AQR: variants seen among roughly 807,000 people sequenced by gnomAD.
The protein encoded by AQR is aquarius intron-binding spliceosomal factor.
In AQR, 61 loss-of-function variants were observed where a neutral mutation model predicts 180.5. The ratio of observed to expected loss-of-function variants is 0.34; its 90% CI spans 0.28 to 0.42. AQR has a LOEUF of 0.42. Ranked by LOEUF, AQR falls within the 10% of genes least tolerant of loss-of-function variation. AQR has a pLI of 1.00. For synonymous variants in AQR, 551 were observed against 588.8 expected, an observed-to-expected ratio of 0.94 and a Z score of 0.93; for missense variants, 1,281 against 1,798.3, an observed-to-expected ratio of 0.71 and a Z score of 5.20.
At chr15:34,935,084 C>T (rs1893926514) in intron 9 of AQR, among the ~76,000 whole-genome samples, 1 of 152,098 alleles carries the variant, frequency 6.6e-6, no homozygotes, top group African/African-American at 2.4e-5. Context: ...TACACACACA[C>T]ACCTTTAAAG....
intron 23 of AQR, among the ~76,000 whole-genome samples, chr15:34,890,977 T>C (rs1029810289): frequency 6.6e-6 from 1 of 152,196 alleles, no homozygotes; most frequent in East Asian, 1.9e-4. Flanking sequence ...AAAAGTTTCA[T>C]AGTATGGAAA....
At chr15:34,868,156 TC>T (rs1892764894) in intron 31 of AQR, 1 of 152,356 alleles carries the variant, frequency 6.6e-6, no homozygotes, top group Non-Finnish European at 1.5e-5. Flanking sequence ...TGCGGTGAAA[TC>T]CCATCTCTAC....
intron 3 of AQR, among the ~76,000 whole-genome samples, chr15:34,953,748 C>G (rs929975222): frequency 6.6e-6 from 1 of 152,170 alleles, no homozygotes; most frequent in African/African-American, 2.4e-5. Context: ...TGTTAGACAA[C>G]AGAATTCACT....
chr15:34,870,656 TAAA>T, intron 31 of AQR, 93 bp downstream of exon 31: 1 of 1,054,096 alleles, frequency 9.5e-7, no homozygotes, highest in Non-Finnish European at 1.3e-6. Context: ...TCAAATATCT[TAAA>T]AAGAGATAGC....
intron 1 of AQR, among the ~76,000 whole-genome samples, chr15:34,966,435 C>G (rs964534504): frequency 6.6e-5 from 10 of 152,202 alleles, no homozygotes; most frequent in Non-Finnish European, 1.3e-4. Flanking sequence ...GATACTTTCT[C>G]AATGAGAAAA....
At chr15:34,931,990 G>A (rs1893871131) in intron 11 of AQR, among the ~76,000 whole-genome samples, 1 of 152,160 alleles carries the variant, frequency 6.6e-6, no homozygotes, top group Non-Finnish European at 1.5e-5. Flanking sequence ...TCATCTTATA[G>A]AAAGAGTCAT....
At chr15:34,920,475 T>C in intron 13 of AQR, 41 bp from the exon 14 acceptor site, 2 of 1,419,330 alleles carry the variant, frequency 1.4e-6, no homozygotes, top group Non-Finnish European at 2.0e-6. Context: ...AGTAACTTAC[T>C]TCACTTCACT....
At chr15:34,881,450 TC>T (rs1892972561) in intron 27 of AQR, among the ~76,000 whole-genome samples, 2 of 152,210 alleles carry the variant, frequency 1.3e-5, no homozygotes, top group Admixed American at 1.3e-4. Flanking sequence ...TATACAGAAC[TC>T]TGTTTTAAAC....
chr15:34,927,174 GT>G (rs1893777978), intron 12 of AQR, 36 bp from the exon 13 acceptor site: 1 of 1,225,660 alleles, frequency 8.2e-7, no homozygotes, highest in African/African-American at 1.6e-5. Context: ...AATAATTAAT[GT>G]CTACATATTA....
At position 34,948,312 on chromosome 15, in the gene AQR, G is replaced by C; in HGVS notation, c.282C>G (p.Ile94Met). The C allele has an allele frequency of 6.2e-7, 1 of 1,613,622 alleles. No individual in the cohort carries two copies. Among genetic ancestry groups the C allele is most frequent in the Non-Finnish European group, 8.5e-7 (1 of 1,179,970 alleles). ...TAAACTTCTCATTCACCATACAGCA[G>C]ATTGACATTAAATAGGCCTTGCTAG... ...EVSSKAYLMS[I>M]CCMVNEKFRE... Residue 94 changes from isoleucine (I) to methionine (M), a missense_variant, in exon 5 of 35, where the codon ATC becomes ATG. Ile to Met is a conservative substitution (Grantham distance 10). This residue lies in a region of AQR where 404 missense variants were observed against 490.9 expected (regional missense o/e 0.82). Coordinates refer to ENST00000156471, the MANE Select transcript of AQR (RefSeq NM_014691.3).
At chr15:34,936,128 A>G (rs1029192315) in intron 9 of AQR, among the ~76,000 whole-genome samples, 12 of 152,144 alleles carry the variant, frequency 7.9e-5, no homozygotes, top group Non-Finnish European at 1.6e-4. Context: ...ATATATCCTT[A>G]TCATTTGTCT....
intron 5 of AQR, among the ~76,000 whole-genome samples, chr15:34,945,124 CCTCT>C (rs1326824302): frequency 2.0e-5 from 3 of 152,148 alleles, no homozygotes; most frequent in Non-Finnish European, 2.9e-5. Context: ...CATTCTTCTC[CCTCT>C]ATTACTTCAA....
intron 27 of AQR, among the ~76,000 whole-genome samples, chr15:34,881,113 T>C (rs1841589824): frequency 6.6e-6 from 1 of 152,222 alleles, no homozygotes; most frequent in South Asian, 2.1e-4. Context: ...ATGTTAATTA[T>C]GGTTGCATTA....
chr15:34,865,878 T>C (rs1245723999), intron 32 of AQR, among the ~76,000 whole-genome samples: 1 of 152,008 alleles, frequency 6.6e-6, no homozygotes, highest in Non-Finnish European at 1.5e-5. Context: ...AAAAGTAAAT[T>C]AGTGGTTGCC....
At chr15:34,882,283 G>C (rs1892982401) in intron 27 of AQR, among the ~76,000 whole-genome samples, 2 of 151,716 alleles carry the variant, frequency 1.3e-5, no homozygotes, top group Non-Finnish European at 2.9e-5. Context: ...AATTTGGTCA[G>C]ACAACCATAT....
Position 34,922,601 on chromosome 15 carries a change from C to T in AQR, c.1119-2167G>A, listed in dbSNP as rs1016485434. Among the ~76,000 whole-genome samples, 10 of 152,014 alleles carry T rather than the reference C, an allele frequency of 6.6e-5. No individual in the cohort carries two copies. The East Asian group carries it at 1.9e-3, about 29-fold the overall frequency. ...ACAGGGTCTTACTCTGTCATCCAGG[C>T]TGAAGTACAGTGGCAAGATATAGCT... On this transcript the variant is annotated intron_variant, in intron 13 of 34. Transcript: ENST00000156471.
chr15:34,905,584 C>T (rs1052400095), intron 18 of AQR, among the ~76,000 whole-genome samples: 1 of 150,516 alleles, frequency 6.6e-6, no homozygotes, highest in Non-Finnish European at 1.5e-5. Context: ...ACCTCTATCC[C>T]GGTCATTTGA....
chr15:34,883,696 G>C (rs1476749864), intron 26 of AQR, among the ~76,000 whole-genome samples: 7 of 152,088 alleles, frequency 4.6e-5, no homozygotes, highest in Non-Finnish European at 1.0e-4. Flanking sequence ...TTCTTACTGA[G>C]GAGTCTGAGC....
chr15:34,952,035 C>T (rs538093622), intron 4 of AQR, among the ~76,000 whole-genome samples: 2 of 152,282 alleles, frequency 1.3e-5, no homozygotes, highest in South Asian at 4.1e-4. Flanking sequence ...ATTTCAATTT[C>T]CCTCTAGAAA....
Sources: gnomAD v4.1 joint callset for allele counts (sites outside exome capture counted in the v4.1 genomes callset) on GRCh38, gnomAD v4.1.1 for gene constraint, gnomAD v4.1.1 regional missense constraint, MANE v1.5 for transcripts, NCBI Gene and HGNC (gene_info 2026-07-23, HGNC 2026-07-21) for gene names.